Variants in PTPRD observed in about 807,000 individuals in gnomAD.
The protein encoded by PTPRD is protein tyrosine phosphatase receptor type D, also known as receptor-type tyrosine-protein phosphatase delta.
PTPRD carries 34 observed loss-of-function variants against 214.5 expected under a neutral mutation model. The ratio of observed to expected loss-of-function variants is 0.16; its 90% confidence interval spans 0.12 to 0.21. The LOEUF (loss-of-function observed/expected upper bound fraction) is 0.21. PTPRD is among the 10% of genes least tolerant of loss of function. The pLI, the probability that PTPRD is intolerant of heterozygous loss-of-function variation, is 1.00. For synonymous variants in PTPRD, 1,128 were observed against 845.7 expected, an observed-to-expected ratio of 1.33 and a Z score of -5.79; for missense variants, 2,545 against 2,398.7, an observed-to-expected ratio of 1.06 and a Z score of -1.27.
At chr9:9,683,976 C>T (rs2097123434) in intron 7 of PTPRD, among the ~76,000 whole-genome samples, 1 of 151,518 alleles carries the variant, frequency 6.6e-6, no homozygotes, top group Admixed American at 6.6e-5. Flanking sequence ...ACTGCCAAAA[C>T]ACGCTCTGAA....
At chr9:10,453,028 T>C (rs2098857058) in intron 2 of PTPRD, among the ~76,000 whole-genome samples, 2 of 151,686 alleles carry the variant, frequency 1.3e-5, no homozygotes, top group Non-Finnish European at 1.5e-5. Context: ...ATTCCATTTG[T>C]TTGTATGTGA....
chr9:8,758,401 T>C (rs1336812045), intron 11 of PTPRD, among the ~76,000 whole-genome samples: 1 of 152,166 alleles, frequency 6.6e-6, no homozygotes, highest in Non-Finnish European at 1.5e-5. Flanking sequence ...GCTGATACCT[T>C]ATGTTATATA....
At chr9:9,900,716 A>G (rs2076211834) in intron 5 of PTPRD, among the ~76,000 whole-genome samples, 1 of 149,496 alleles carries the variant, frequency 6.7e-6, no homozygotes, top group South Asian at 2.1e-4. Context: ...GGCTCACTGC[A>G]ACCTCTGCCT....
chr9:9,534,497 T>A (rs1375324653), intron 8 of PTPRD, among the ~76,000 whole-genome samples: 1 of 152,100 alleles, frequency 6.6e-6, no homozygotes, highest in Non-Finnish European at 1.5e-5. Flanking sequence ...GACAGTTTTA[T>A]ACAATGGTTA....
At chr9:8,960,361 C>A (rs2154317488) in intron 11 of PTPRD, among the ~76,000 whole-genome samples, 1 of 152,088 alleles carries the variant, frequency 6.6e-6, no homozygotes, top group East Asian at 1.9e-4. Flanking sequence ...AACTGGGCTG[C>A]CATACTTAGG....
chr9:9,464,220 G>A (rs2093933772), intron 8 of PTPRD, among the ~76,000 whole-genome samples: 1 of 151,964 alleles, frequency 6.6e-6, no homozygotes, highest in Non-Finnish European at 1.5e-5. Flanking sequence ...CTGGCATTTT[G>A]GTAACATACC....
At chr9:9,276,792 T>A (rs909266788) in intron 9 of PTPRD, among the ~76,000 whole-genome samples, 1 of 151,446 alleles carries the variant, frequency 6.6e-6, no homozygotes, top group Non-Finnish European at 1.5e-5. Flanking sequence ...GTATTCTTTT[T>A]AAGTTCCTAA....
At chr9:9,725,778 T>C (rs879673690) in intron 7 of PTPRD, among the ~76,000 whole-genome samples, 1 of 152,176 alleles carries the variant, frequency 6.6e-6, no homozygotes, top group African/African-American at 2.4e-5. Context: ...AGTGACAAAT[T>C]ATTATACTTT....
intron 2 of PTPRD, among the ~76,000 whole-genome samples, chr9:10,452,587 T>C (rs757867127): frequency 1.3e-5 from 2 of 151,874 alleles, no homozygotes; most frequent in Non-Finnish European, 3.0e-5. Flanking sequence ...ACCTCTCTGA[T>C]GATTAATGAT....
chr9:8,558,257 T>C (rs1190143153), intron 14 of PTPRD, among the ~76,000 whole-genome samples: 1 of 152,222 alleles, frequency 6.6e-6, no homozygotes, highest in Admixed American at 6.5e-5. Flanking sequence ...AAAGATGTTT[T>C]ATTTTCTTCC....
chr9:10,413,413 G>T (rs539887892), intron 2 of PTPRD, among the ~76,000 whole-genome samples: 2 of 151,936 alleles, frequency 1.3e-5, no homozygotes, highest in South Asian at 2.1e-4. Context: ...GGATGTAAAA[G>T]ATCTCTATGA....
chr9:8,439,765 CAA>C (rs1398169798), intron 34 of PTPRD, among the ~76,000 whole-genome samples: 1 of 151,870 alleles, frequency 6.6e-6, no homozygotes, highest in African/African-American at 2.4e-5. Context: ...ATGATATAAA[CAA>C]ATATGTTAGA....
At chr9:9,478,617 T>C (rs2095236055) in intron 8 of PTPRD, among the ~76,000 whole-genome samples, 1 of 152,110 alleles carries the variant, frequency 6.6e-6, no homozygotes, top group Non-Finnish European at 1.5e-5. Context: ...TGCATCCCCC[T>C]CTCTCTCTAT....
At chr9:9,508,759 CCTGCT>C (rs1307075562) in intron 8 of PTPRD, among the ~76,000 whole-genome samples, 1 of 151,472 alleles carries the variant, frequency 6.6e-6, no homozygotes, top group Non-Finnish European at 1.5e-5. Context: ...AGCAACTTTC[CCTGCT>C]CTTATCTCCT....
chr9:9,521,201 G>T (rs2096963129), intron 8 of PTPRD, among the ~76,000 whole-genome samples: 1 of 152,076 alleles, frequency 6.6e-6, no homozygotes, highest in Non-Finnish European at 1.5e-5. Context: ...CTGACCCCAT[G>T]TGTGTACTGA....
At position 9,836,237 on chromosome 9, in the gene PTPRD, T is replaced by G. The variant is rs10978022; in HGVS notation, c.-367-69386A>C. On this transcript the variant is annotated intron_variant, in intron 5 of 45. Transcript: ENST00000381196. ...AGAGTAGCCCCAGAATGTGAGCATA[T>G]GAGTGCTCCATGTACAAGTTAACTT... Among the ~76,000 whole-genome samples, 3 of 152,282 alleles carry G rather than the reference T, an allele frequency of 2.0e-5. No homozygotes were observed. In the South Asian group the frequency reaches 6.2e-4, roughly 32 times the overall value.
chr9:8,605,730 A>T (rs994974284), intron 14 of PTPRD, among the ~76,000 whole-genome samples: 1 of 152,254 alleles, frequency 6.6e-6, no homozygotes, highest in Non-Finnish European at 1.5e-5. Context: ...GGTTCCCTTC[A>T]GCACTCATGC....
chr9:9,304,152 A>G (rs1956351457), intron 9 of PTPRD, among the ~76,000 whole-genome samples: 3 of 152,274 alleles, frequency 2.0e-5, no homozygotes, highest in Middle Eastern at 3.4e-3. Context: ...GATTGAGCTT[A>G]GAATCTAAAA....
At chr9:9,200,504 A>G (rs912620896) in intron 9 of PTPRD, among the ~76,000 whole-genome samples, 1 of 152,198 alleles carries the variant, frequency 6.6e-6, no homozygotes, top group Non-Finnish European at 1.5e-5. Context: ...TACACATGTA[A>G]TCTTATTTAA....
Sources: gnomAD v4.1 joint callset for allele counts (sites outside exome capture counted in the v4.1 genomes callset) on GRCh38, gnomAD v4.1.1 for gene constraint, MANE v1.5 for transcripts, NCBI Gene and HGNC (gene_info 2026-07-23, HGNC 2026-07-21) for gene names.